Variants in ACYP2 observed in about 807,000 individuals in gnomAD.
ACYP2 encodes acylphosphatase 2.
ACYP2 carries 12 observed loss-of-function variants against 11.2 expected under a neutral mutation model. That is an observed-to-expected ratio of 1.08 (90% CI 0.69 to 1.74). The LOEUF (loss-of-function observed/expected upper bound fraction) is 1.74, where lower values mean the gene tolerates loss of function less well. ACYP2 is among the 40% of genes most tolerant of loss of function. The probability of loss-of-function intolerance (pLI) is 0.00; values close to 1 mark genes in which losing one functional copy is unlikely to be tolerated. For synonymous variants in ACYP2, 43 were observed against 32.2 expected (o/e 1.33, Z -1.13); for missense variants, 134 against 101.9 (o/e 1.31, Z -1.35).
chr2:54,108,363 C>A (rs1310597614), intron 4 of ACYP2, among the ~76,000 whole-genome samples: 1 of 152,184 alleles, frequency 6.6e-6, no homozygotes, highest in African/African-American at 2.4e-5. Flanking sequence ...CCAAGGACAT[C>A]ATGAAGTAGA....
intron 6 of ACYP2, among the ~76,000 whole-genome samples, chr2:54,190,830 C>A (rs76580704): frequency 0.013 from 1,918 of 152,194 alleles, 45 homozygotes; most frequent in African/African-American, 0.044. Context: ...TTAGTGTGTT[C>A]AAAACCAAAG....
chr2:53,996,229 G>A (rs1201978092), intron 2 of ACYP2, among the ~76,000 whole-genome samples: 2 of 152,120 alleles, frequency 1.3e-5, no homozygotes, highest in Non-Finnish European at 2.9e-5. Flanking sequence ...GATACATCCA[G>A]CTTTTCTATT....
intron 6 of ACYP2, among the ~76,000 whole-genome samples, chr2:54,295,902 A>T (rs925706280): frequency 6.6e-6 from 1 of 152,080 alleles, no homozygotes; most frequent in Non-Finnish European, 1.5e-5. Flanking sequence ...CTGGAATTAC[A>T]GGCACCCACC....
At chr2:54,202,180 C>G (rs778295744) in intron 6 of ACYP2, among the ~76,000 whole-genome samples, 1 of 152,162 alleles carries the variant, frequency 6.6e-6, no homozygotes, top group Non-Finnish European at 1.5e-5. Flanking sequence ...GTGGCACGAT[C>G]TCAGCTCACT....
chr2:54,029,984 C>G (rs1013222570), intron 2 of ACYP2: 4 of 244,146 alleles, frequency 1.6e-5, no homozygotes, highest in Non-Finnish European at 3.1e-5. Context: ...GGGAGAAGGC[C>G]CGAGATAATT....
intron 6 of ACYP2, among the ~76,000 whole-genome samples, chr2:54,177,905 ATT>A (rs1278343210): frequency 9.0e-5 from 3 of 33,190 alleles, no homozygotes; most frequent in African/African-American, 1.4e-4. Flanking sequence ...TTCTTTCTTT[ATT>A]TTTTTTTTTT....
intron 2 of ACYP2, among the ~76,000 whole-genome samples, chr2:53,987,802 A>G (rs889110685): frequency 2.6e-5 from 4 of 151,912 alleles, no homozygotes; most frequent in Non-Finnish European, 5.9e-5. Flanking sequence ...ATATCTGCTC[A>G]TGTTTTTTGC....
At position 54,153,631 on chromosome 2, in the gene ACYP2, G is replaced by T. The variant is rs368676094; in HGVS notation, c.404+14883G>T. On this transcript the variant is annotated intron_variant, in intron 6 of 6. Coordinates refer to ENST00000607452, the MANE Select transcript of ACYP2 (RefSeq NM_001320586.2). ...CTTTTTTTTTTTGAGACAGAGTCTC[G>T]CTCTGTCACCCAGGCTGGAGTGCAG... 1.9e-4 allele frequency among the ~76,000 whole-genome samples: 28 copies of T among 144,684 alleles called. 1 individual carries two copies. The East Asian group carries it at 2.6e-3, about 14-fold the overall frequency. The allele number at this position is 144,684 out of a possible 152,430, so 94.9% of individuals were successfully genotyped here.
intron 2 of ACYP2, among the ~76,000 whole-genome samples, chr2:54,033,762 G>T (rs1050896407): frequency 2.0e-5 from 3 of 152,200 alleles, no homozygotes; most frequent in African/African-American, 4.8e-5. Context: ...AGACCAGCCG[G>T]ATGGCTGTTG....
chr2:54,115,055 G>C (rs555412923), intron 4 of ACYP2, among the ~76,000 whole-genome samples: 2 of 152,050 alleles, frequency 1.3e-5, no homozygotes, highest in Non-Finnish European at 2.9e-5. Context: ...GTTGGAAATG[G>C]GGAGATATTG....
chr2:54,137,280 TA>T lies in ACYP2; in HGVS notation c.295-1350del, dbSNP rs922352977. On this transcript the variant is annotated intron_variant, in intron 5 of 6. Coordinates refer to ENST00000607452, the MANE Select transcript of ACYP2 (RefSeq NM_001320586.2). ...TGCTAGTTTAATTTTCTTTCTTTTT[TA>T]AAAAAAAATTATTTTAGGTTCAGCG... 2.0e-3 allele frequency among the ~76,000 whole-genome samples: 310 copies of T among 151,950 alleles called. 1 individual carries two copies. The highest frequency in any genetic ancestry group is 6.7e-3 in the African/African-American group (279 of 41,452).
intron 4 of ACYP2, among the ~76,000 whole-genome samples, chr2:54,125,800 G>C (rs559886448): frequency 5.9e-4 from 89 of 152,090 alleles, no homozygotes; most frequent in African/African-American, 1.9e-3. Flanking sequence ...AGGGGATTCA[G>C]GCTGGGCACA....
chr2:54,177,197 C>CT (rs374980338), intron 6 of ACYP2, among the ~76,000 whole-genome samples: 422 of 152,250 alleles, frequency 2.8e-3, no homozygotes, highest in African/African-American at 9.7e-3. Context: ...TAATGAGCTC[C>CT]TTTGCCCTCT....
chr2:54,267,366 G>A (rs748138898), intron 6 of ACYP2: 2 of 1,545,216 alleles, frequency 1.3e-6, no homozygotes, highest in Non-Finnish European at 1.7e-6. Flanking sequence ...GAGAATTCAG[G>A]TGAGAGGTTT....
chr2:54,207,216 ATG>A (rs1235254087), intron 6 of ACYP2, among the ~76,000 whole-genome samples: 1 of 78,590 alleles, frequency 1.3e-5, no homozygotes, highest in Non-Finnish European at 3.1e-5. Flanking sequence ...TATAAAGAGA[ATG>A]TGAGGAAATG....
In ACYP2 at chr2:54,255,742, G is replaced by C. The variant is rs1429292316; in HGVS notation, c.405-48946G>C. ...CCCCTCTGCAATCACTTCAGACTCC[G>C]ACCTCCCTGCCCCACAGGTTTCTAG... On this transcript the variant is annotated intron_variant, in intron 6 of 6. Coordinates refer to ENST00000607452, the MANE Select transcript of ACYP2 (RefSeq NM_001320586.2). 3 of 1,613,734 alleles carry C rather than the reference G, an allele frequency of 1.9e-6. No homozygotes were observed. The highest frequency in any genetic ancestry group is 4.5e-5 in the East Asian group (2 of 44,866).
In ACYP2 at chr2:53,995,488, T is replaced by TATTTA. The variant is rs1553350323; in HGVS notation, c.62+21678_62+21679insATTTA. ...ATTATTTTTTATTTATTTATTTATT[T>TATTTA]TTTATTTATTTATTTATTTATTTAT... is the stretch of plus-strand genomic sequence containing the variant. On this transcript the variant is annotated intron_variant, in intron 2 of 6. Transcript: ENST00000607452. Among the ~76,000 whole-genome samples, 701 of 145,092 alleles carry TATTTA rather than the reference T, an allele frequency of 4.8e-3. 6 individuals are homozygous for TATTTA. The highest frequency in any genetic ancestry group is 0.017 in the African/African-American group (660 of 39,368).
chr2:54,204,895 C>G (rs980629107), intron 6 of ACYP2, among the ~76,000 whole-genome samples: 3 of 152,056 alleles, frequency 2.0e-5, no homozygotes, highest in Admixed American at 6.6e-5. Flanking sequence ...GCTTCATATT[C>G]CAGTTTACTA....
intron 6 of ACYP2, among the ~76,000 whole-genome samples, chr2:54,245,551 C>T (rs1686909507): frequency 6.6e-6 from 1 of 152,142 alleles, no homozygotes; most frequent in Non-Finnish European, 1.5e-5. Flanking sequence ...TTGATAATAG[C>T]TATCCTAACT....
Sources: allele counts gnomAD v4.1 joint callset (sites outside exome capture counted in the v4.1 genomes callset), GRCh38; gene constraint gnomAD v4.1.1; transcripts MANE v1.5; gene names NCBI Gene and HGNC (gene_info 2026-07-23, HGNC 2026-07-21).